Variants in UCP1 observed in about 807,000 individuals in gnomAD.
UCP1 encodes the protein mitochondrial brown fat uncoupling protein 1.
A neutral mutation model predicts 26.2 loss-of-function variants in UCP1; 24 were observed. That is an observed-to-expected ratio of 0.92 (90% CI 0.66 to 1.29). UCP1 has a LOEUF of 1.29. UCP1 is among the 50% of genes most tolerant of loss of function. The pLI is 0.00. For synonymous variants in UCP1, 164 were observed against 156.8 expected, an observed-to-expected ratio of 1.05 and a Z score of -0.34; for missense variants, 402 against 388.7, an observed-to-expected ratio of 1.03 and a Z score of -0.29.
chr4:140,565,434 CAT>C (rs1399010487), intron 2 of UCP1, among the ~76,000 whole-genome samples: 1 of 152,182 alleles, frequency 6.6e-6, no homozygotes, highest in Non-Finnish European at 1.5e-5. Flanking sequence ...ACTCCTTTTA[CAT>C]ATATACTCTA....
chr4:140,560,108 A>G, intron 5 of UCP1, 98 bp from the exon 6 acceptor site: 2 of 1,016,888 alleles, frequency 2.0e-6, no homozygotes, highest in Non-Finnish European at 3.0e-6. Context: ...GCTGGAATGC[A>G]GTAGTGTAAT....
rs763504112 is a variant in UCP1 at position 140,563,351 on chromosome 4, CTAT to C, written c.490_492del (p.Ile164del). On this transcript the variant is annotated inframe_deletion, in exon 3 of 6. Transcript: ENST00000262999. ...AGACCCGTCAAGCCTTCGGTTGTTGCTATTATTCTGTACGCATTATAAGTCCCC... is the reference window on the plus strand; with the variant it reads ...AGACCCGTCAAGCCTTCGGTTGTTGCTATTCTGTACGCATTATAAGTCCCC... 5.0e-6 allele frequency: 8 copies of C among 1,614,012 alleles called. No homozygotes were observed. In the African/African-American group the frequency reaches 5.3e-5, roughly 11 times the overall value.
In UCP1 at chr4:140,563,217, G is replaced by GAA. The variant is rs111460010; in HGVS notation, c.527-8_527-7dup. 2.4e-5 allele frequency: 30 copies of GAA among 1,252,482 alleles called. No individual in the cohort carries two copies. The African/African-American group carries it at 2.6e-4, about 11-fold the overall frequency. 77.6% of individuals were successfully genotyped at this position (1,252,482 alleles called of 1,614,324 possible). ...CATCAGATTGGGAGTAGTCCCTGGG[G>GAA]AAAAAAAAAAAGAAAATGTTTATTA... On this transcript the variant is annotated splice_region_variant and splice_polypyrimidine_tract_variant and intron_variant, in intron 3 of 5. Transcript: ENST00000262999.
In UCP1 at chr4:140,562,354, C is replaced by G; in HGVS notation, c.648G>C (p.Leu216Phe). The change falls in exon 5 of 6, where the codon TTG becomes TTC. Residue 216 changes from leucine (L) to phenylalanine (F), a missense_variant. Coordinates refer to ENST00000262999, the MANE Select transcript of UCP1 (RefSeq NM_021833.5). ...NILADDVPCH[L>F]VSALIAGFCA... ...AAAATCCAGCGATAAGAGCCGACAC[C>G]AAGTGGCAGGGGACGTCATCTAAAA... 6.2e-7 allele frequency: 1 copy of G among 1,614,078 alleles called. No homozygotes were observed. Among genetic ancestry groups the G allele is most frequent in the Non-Finnish European group, 8.5e-7 (1 of 1,179,980 alleles).
rs115099464 is a variant in UCP1 at position 140,565,006 on chromosome 4, T to C, written c.326-1488A>G. On this transcript the variant is annotated intron_variant, in intron 2 of 5. Coordinates refer to ENST00000262999, the MANE Select transcript of UCP1 (RefSeq NM_021833.5). ...TGCTAGAAAATCAGTGAGCTTCTAT[T>C]TGTTATGTACAATGATCACTTTTCA... Among the ~76,000 whole-genome samples the C allele has an allele frequency of 3.6e-3, 543 of 152,358 alleles. 5 individuals carry two copies. Among genetic ancestry groups the C allele is most frequent in the African/African-American group, 0.012 (518 of 41,592 alleles).
chr4:140,567,810 C>A lies in UCP1; in HGVS notation c.294G>T (p.Thr98=), dbSNP rs774928918. 2 of 1,614,140 alleles carry A rather than the reference C, an allele frequency of 1.2e-6. No homozygotes were observed. Among genetic ancestry groups the A allele is most frequent in the Non-Finnish European group, 1.7e-6 (2 of 1,180,034 alleles). Reference sequence around the variant, plus strand: ...TCCCTGCGGTGAGGAACTCCTGGACCGTGTCGTAGAGGCCGATCCTGAGAG... The same window carrying A: ...TCCCTGCGGTGAGGAACTCCTGGACAGTGTCGTAGAGGCCGATCCTGAGAG... ...SASLRIGLYD[T]VQEFLTAGKE... Residue 98 remains threonine (T), a synonymous_variant, in exon 2 of 6, where the codon ACG becomes ACT. Coordinates refer to ENST00000262999, the MANE Select transcript of UCP1 (RefSeq NM_021833.5).
chr4:140,567,865 G>A lies in UCP1; in HGVS notation c.239C>T (p.Ala80Val), dbSNP rs146094549. 1.2e-6 allele frequency: 2 copies of A among 1,614,130 alleles called. No homozygotes were observed. Among genetic ancestry groups the A allele is most frequent in the African/African-American group, 1.3e-5 (1 of 75,018 alleles). Residue 80 changes from alanine to valine, a missense_variant, in exon 2 of 6, where the codon GCG becomes GTG. Physicochemically the swap from Ala to Val is moderately conservative, Grantham distance 64. Transcript: ENST00000262999. ...GRMKLYSGLP[A>V]GLQRQISSAS... is the part of the protein sequence containing the mutation. ...GGAGCTGATTTGCCGCTGAAGCCCC[G>A]CAGGCAGCCCGCTGTAGAGTTTCAT...
chr4:140,564,536 C>T (rs1735755718), intron 2 of UCP1, among the ~76,000 whole-genome samples: 1 of 152,132 alleles, frequency 6.6e-6, no homozygotes, highest in Admixed American at 6.5e-5. Context: ...ATATCTACCT[C>T]TTAGAGTTGT....
At position 140,559,614 on chromosome 4, in the gene UCP1, C is replaced by A. The variant is rs1160390268; in HGVS notation, c.*282G>T. 2 of 363,330 alleles carry A rather than the reference C, an allele frequency of 5.5e-6. No homozygotes were observed. The highest frequency in any genetic ancestry group is 9.9e-6 in the Non-Finnish European group (2 of 201,246). 22.5% of individuals were successfully genotyped at this position (363,330 alleles called of 1,614,324 possible). On this transcript the variant is annotated 3_prime_UTR_variant, in exon 6 of 6. Transcript: ENST00000262999. ...TTAAAGTTCTTCACATTCATTCACA[C>A]AATTGCACTCCAGAAATGGTCAAAT...
At chr4:140,566,022 A>G (rs1735787121) in intron 2 of UCP1, among the ~76,000 whole-genome samples, 2 of 152,222 alleles carry the variant, frequency 1.3e-5, no homozygotes, top group African/African-American at 4.8e-5. Context: ...GTAGTATTCA[A>G]TACCAACATG....
At chr4:140,560,864 T>C (rs1368029042) in intron 5 of UCP1, among the ~76,000 whole-genome samples, 1 of 152,130 alleles carries the variant, frequency 6.6e-6, no homozygotes, top group East Asian at 1.9e-4. Context: ...AGAAACTCTC[T>C]ACCCATTAAA....
At chr4:140,565,797 C>T (rs1005160188) in intron 2 of UCP1, among the ~76,000 whole-genome samples, 7 of 151,494 alleles carry the variant, frequency 4.6e-5, no homozygotes, top group African/African-American at 1.7e-4. Context: ...ACCATACCTC[C>T]ATGGCTAGCT....
Position 140,563,179 on chromosome 4 carries a change from T to C in UCP1, c.559A>G (p.Ile187Val). The C allele has an allele frequency of 6.2e-7, 1 of 1,613,676 alleles. No individual in the cohort carries two copies. The highest frequency in any genetic ancestry group is 1.6e-4 in the Middle Eastern group (1 of 6,062). The part of the protein sequence containing the change: ...TTPNLMRSVI[I>V]NCTELVTYDL... ...TATGTTACTAGCTCTGTACAATTGA[T>C]GATGACACTTCTCATCAGATTGGGA... is the stretch of plus-strand genomic sequence containing the variant. The change falls in exon 4 of 6, where the codon ATC becomes GTC. Residue 187 changes from isoleucine to valine, a missense_variant. Physicochemically the swap from Ile to Val is conservative, Grantham distance 29 (BLOSUM62 3). Coordinates refer to ENST00000262999, the MANE Select transcript of UCP1 (RefSeq NM_021833.5).
rs1432252967 is a variant in UCP1 at position 140,559,707 on chromosome 4, C to A, written c.*189G>T. The stretch of plus-strand genomic sequence containing the variant: ...ATGTTTTGCTTTCCCCTTCTTAAGA[C>A]ACTGAGAAAAAAAAAAAGTTATATG... On this transcript the variant is annotated 3_prime_UTR_variant, in exon 6 of 6. Coordinates refer to ENST00000262999, the MANE Select transcript of UCP1 (RefSeq NM_021833.5). The A allele has an allele frequency of 1.3e-4, 76 of 589,836 alleles. No individual in the cohort carries two copies. The African/African-American group carries it at 1.4e-3, about 11-fold the overall frequency. The allele number at this position is 589,836 out of a possible 1,614,324, so 36.5% of individuals were successfully genotyped here.
chr4:140,566,590 CTT>C (rs758152650), intron 2 of UCP1, among the ~76,000 whole-genome samples: 3 of 152,148 alleles, frequency 2.0e-5, no homozygotes, highest in Non-Finnish European at 2.9e-5. Flanking sequence ...ATAAGTATAA[CTT>C]ATATATTTGT....
intron 2 of UCP1, among the ~76,000 whole-genome samples, chr4:140,566,370 T>C (rs1224581868): frequency 6.6e-6 from 1 of 152,184 alleles, no homozygotes; most frequent in Non-Finnish European, 1.5e-5. Flanking sequence ...TGAATCTATA[T>C]AACATAGAAC....
intron 5 of UCP1, among the ~76,000 whole-genome samples, chr4:140,560,375 T>G (rs1222623067): frequency 6.6e-6 from 1 of 152,240 alleles, no homozygotes; most frequent in African/African-American, 2.4e-5. Context: ...ACAGCCCTGA[T>G]GATCACATCT....
chr4:140,561,217 T>A (rs968134736), intron 5 of UCP1, among the ~76,000 whole-genome samples: 2 of 152,242 alleles, frequency 1.3e-5, no homozygotes, highest in Non-Finnish European at 2.9e-5. Context: ...ATGTGTATGA[T>A]GCATTCATGC....
chr4:140,561,434 C>A (rs1735674602), intron 5 of UCP1, among the ~76,000 whole-genome samples: 1 of 152,088 alleles, frequency 6.6e-6, no homozygotes, highest in Non-Finnish European at 1.5e-5. Flanking sequence ...CTCGCTGAAA[C>A]CTTGAACTCC....
Sources: gnomAD v4.1 joint callset for allele counts (sites outside exome capture counted in the v4.1 genomes callset) on GRCh38, gnomAD v4.1.1 for gene constraint, MANE v1.5 for transcripts, NCBI Gene and HGNC (gene_info 2026-07-23, HGNC 2026-07-21) for gene names.